The following CHN1 variants were observed in gnomAD, a reference collection of about 807,000 sequenced individuals.
CHN1 encodes N-chimaerin.
A neutral mutation model predicts 59.5 loss-of-function variants in CHN1; 37 were observed. That is an observed-to-expected ratio of 0.62 (90% confidence interval 0.48 to 0.82). The LOEUF is 0.82. Among genes scored for constraint, CHN1 ranks in the 40% least tolerant of loss-of-function variants. The probability of loss-of-function intolerance (pLI) is 0.00; values close to 1 mark genes in which losing one functional copy is unlikely to be tolerated. For missense variants in CHN1, 469 were observed against 571.0 expected (o/e 0.82, Z 1.82); for synonymous variants, 206 against 200.4 (o/e 1.03, Z -0.24).
intron 7 of CHN1, among the ~76,000 whole-genome samples, chr2:174,836,002 G>C (rs189024565): frequency 3.3e-5 from 5 of 152,204 alleles, no homozygotes; most frequent in African/African-American, 4.8e-5. Context: ...AAGGCTCCTC[G>C]GCAGATCTCC....
At chr2:174,846,408 A>G in intron 7 of CHN1, 21 of 1,544,808 alleles carry the variant, frequency 1.4e-5, no homozygotes, top group Non-Finnish European at 1.8e-5. Context: ...CATCATGGTC[A>G]ATTCATTAAC....
chr2:174,875,422 T>C (rs1687538206), intron 6 of CHN1, among the ~76,000 whole-genome samples: 1 of 152,210 alleles, frequency 6.6e-6, no homozygotes, highest in Non-Finnish European at 1.5e-5. Flanking sequence ...ACTATTGTTG[T>C]CCTTCTTCTA....
intron 7 of CHN1, among the ~76,000 whole-genome samples, chr2:174,826,785 AT>A (rs1685695727): frequency 6.6e-6 from 1 of 152,148 alleles, no homozygotes; most frequent in Non-Finnish European, 1.5e-5. Context: ...TGAAGAGAGG[AT>A]TTTAACTGTC....
intron 1 of CHN1, among the ~76,000 whole-genome samples, chr2:174,996,047 A>G (rs1206318551): frequency 6.6e-6 from 1 of 152,174 alleles, no homozygotes; most frequent in African/African-American, 2.4e-5. Context: ...AAAACATAGT[A>G]GATAATAGGG....
intron 4 of CHN1, among the ~76,000 whole-genome samples, chr2:174,916,763 G>T (rs979551258): frequency 6.6e-6 from 1 of 152,186 alleles, no homozygotes; most frequent in Non-Finnish European, 1.5e-5. Flanking sequence ...AGGTCCAAAG[G>T]CTAATGCTTT....
chr2:174,843,724 G>C (rs996664159), intron 7 of CHN1, among the ~76,000 whole-genome samples: 1 of 151,920 alleles, frequency 6.6e-6, no homozygotes, highest in Non-Finnish European at 1.5e-5. Context: ...CCACTTAGGG[G>C]TATTTGTAGT....
At chr2:174,950,243 ATC>A (rs957108282) in intron 2 of CHN1, among the ~76,000 whole-genome samples, 1 of 150,406 alleles carries the variant, frequency 6.6e-6, no homozygotes, top group African/African-American at 2.4e-5. Flanking sequence ...GCAATAGCCT[ATC>A]TCTCTCTTTT....
At chr2:174,986,041 CTA>C (rs891300517) in intron 1 of CHN1, among the ~76,000 whole-genome samples, 3 of 152,084 alleles carry the variant, frequency 2.0e-5, no homozygotes, top group Non-Finnish European at 4.4e-5. Context: ...ACATCCATAA[CTA>C]TAATAAACTG....
intron 8 of CHN1, among the ~76,000 whole-genome samples, chr2:174,823,910 AT>A (rs1685591661): frequency 6.6e-6 from 1 of 152,242 alleles, no homozygotes; most frequent in Non-Finnish European, 1.5e-5. Context: ...CACACAGAAA[AT>A]ATTAGTGACT....
chr2:174,947,495 T>A (rs1689880080), intron 2 of CHN1, among the ~76,000 whole-genome samples: 2 of 150,832 alleles, frequency 1.3e-5, no homozygotes, highest in Non-Finnish European at 3.0e-5. Flanking sequence ...TAATTTTTTT[T>A]TTTTTTTGAG....
At chr2:174,919,349 G>T (rs1470241772) in intron 3 of CHN1, among the ~76,000 whole-genome samples, 1 of 152,152 alleles carries the variant, frequency 6.6e-6, no homozygotes, top group African/African-American at 2.4e-5. Flanking sequence ...TTATTAAGCT[G>T]GGTGGTTAGC....
chr2:174,832,499 T>G (rs767552613), intron 7 of CHN1, among the ~76,000 whole-genome samples: 1 of 152,122 alleles, frequency 6.6e-6, no homozygotes, highest in Admixed American at 6.5e-5. Flanking sequence ...AATTTTGATA[T>G]GTTTTATTTT....
At chr2:174,906,680 T>G (rs1688553338) in intron 5 of CHN1, among the ~76,000 whole-genome samples, 1 of 152,050 alleles carries the variant, frequency 6.6e-6, no homozygotes, top group African/African-American at 2.4e-5. Context: ...AAAGATGCAA[T>G]TTTATAATAC....
intron 3 of CHN1, among the ~76,000 whole-genome samples, chr2:174,928,389 G>A (rs551321913): frequency 1.7e-4 from 26 of 152,184 alleles, no homozygotes; most frequent in Middle Eastern, 3.4e-3. Context: ...GGATCTAACC[G>A]TTGTTTAAAG....
chr2:174,837,175 A>G (rs149383210), intron 7 of CHN1: 1 of 152,202 alleles, frequency 6.6e-6, no homozygotes, highest in Admixed American at 6.5e-5. Flanking sequence ...AAGTAATACA[A>G]TTGCGGAGTA....
At chr2:174,946,980 C>T (rs549216884) in intron 2 of CHN1, among the ~76,000 whole-genome samples, 4 of 150,932 alleles carry the variant, frequency 2.7e-5, no homozygotes, top group Admixed American at 2.6e-4. Context: ...ATTTAGTTCA[C>T]GTTTCTACTT....
chr2:174,903,248 A>G (rs1290588956), intron 5 of CHN1, among the ~76,000 whole-genome samples: 1 of 152,214 alleles, frequency 6.6e-6, no homozygotes, highest in Non-Finnish European at 1.5e-5. Context: ...ACATGATCTT[A>G]AACTACCAAT....
At chr2:174,993,069 C>G (rs1409131687) in intron 1 of CHN1, among the ~76,000 whole-genome samples, 2 of 152,166 alleles carry the variant, frequency 1.3e-5, no homozygotes, top group East Asian at 3.8e-4. Flanking sequence ...CGATTACAGG[C>G]ATGAGCCACC....
intron 1 of CHN1, among the ~76,000 whole-genome samples, chr2:174,967,345 G>A (rs1324263346): frequency 1.3e-5 from 2 of 152,070 alleles, no homozygotes; most frequent in African/African-American, 4.8e-5. Context: ...AACAGAGTGA[G>A]ATCCTGTCTC....
Sources: allele counts gnomAD v4.1 joint callset (sites outside exome capture counted in the v4.1 genomes callset), GRCh38; gene constraint gnomAD v4.1.1; transcripts MANE v1.5; gene names NCBI Gene and HGNC (gene_info 2026-07-23, HGNC 2026-07-21).